The following UTP4 variants were observed in gnomAD, a reference collection of about 807,000 sequenced individuals.
UTP4 encodes UTP4 small subunit processome component.
UTP4 carries 45 observed loss-of-function variants against 82.4 expected under a neutral mutation model. That is an observed-to-expected ratio of 0.55 (90% CI 0.43 to 0.70). UTP4 has a LOEUF of 0.70. Ranked by LOEUF, UTP4 falls within the 30% of genes least tolerant of loss-of-function variation. The pLI is 0.00. For synonymous variants in UTP4, 348 were observed against 300.3 expected (o/e 1.16, Z -1.64); for missense variants, 819 against 858.3 (o/e 0.95, Z 0.57).
At chr16:69,133,104 C>G (rs759658274) in intron 1 of UTP4, 7 of 321,922 alleles carry the variant, frequency 2.2e-5, no homozygotes, top group Non-Finnish European at 4.2e-5. Flanking sequence ...GCCCCATCAG[C>G]CTCACTGTCA....
intron 14 of UTP4, among the ~76,000 whole-genome samples, chr16:69,164,586 TTATATATATATATA>T (rs58927210): frequency 1.8e-4 from 24 of 132,520 alleles, no homozygotes; most frequent in Admixed American, 1.4e-3. Context: ...TAATCATTCT[TTATATATATATATA>T]TATATATATA....
chr16:69,159,242 A>G (rs1963503248), intron 12 of UTP4, among the ~76,000 whole-genome samples: 1 of 147,490 alleles, frequency 6.8e-6, no homozygotes. Context: ...ACGCCCAGCT[A>G]TTTTTTTTTT....
At chr16:69,146,069 C>T (rs1963099600) in intron 6 of UTP4, among the ~76,000 whole-genome samples, 1 of 151,224 alleles carries the variant, frequency 6.6e-6, no homozygotes, top group Admixed American at 6.6e-5. Flanking sequence ...CCGTTGTGCT[C>T]CAGCCTGGGC....
chr16:69,142,678 A>G (rs1276468588), intron 5 of UTP4, among the ~76,000 whole-genome samples: 1 of 152,172 alleles, frequency 6.6e-6, no homozygotes, highest in East Asian at 1.9e-4. Context: ...CAGTGCCACT[A>G]CTTGTCTGCT....
At chr16:69,148,348 C>T (rs937318954) in intron 6 of UTP4, among the ~76,000 whole-genome samples, 5 of 151,722 alleles carry the variant, frequency 3.3e-5, no homozygotes, top group Admixed American at 2.6e-4. Flanking sequence ...CCGCCCGCCT[C>T]GGCTTCCCAA....
rs1314513169 is a variant in UTP4 at position 69,137,593 on chromosome 16, A to G, written c.352-208A>G. Among the ~76,000 whole-genome samples, 4 of 152,208 alleles carry G rather than the reference A, an allele frequency of 2.6e-5. No homozygotes were observed. In the East Asian group the frequency reaches 7.7e-4, roughly 29 times the overall value. On this transcript the variant is annotated intron_variant, in intron 3 of 16. Transcript: ENST00000314423. ...CTTAATATCAGTCTGTTTTCTGTCT[A>G]GGATATGAAGGCTACTGAGAATACA...
rs1016511587 is a variant in UTP4 at position 69,154,439 on chromosome 16, A to G, written c.1146A>G (p.Leu382=). Residue 382 remains leucine (L), a synonymous_variant, in exon 10 of 17, where the codon TTA becomes TTG. Coordinates refer to ENST00000314423, the MANE Select transcript of UTP4 (RefSeq NM_032830.3). ...TLPLSKNADH[L]LHLKTKGPEN... ...CACTCTCTAAAAATGCAGATCATTTACTGCACCTAAAGACAAAGGTAAGGA... is the reference window on the plus strand; with the variant it reads ...CACTCTCTAAAAATGCAGATCATTTGCTGCACCTAAAGACAAAGGTAAGGA... 1.9e-6 allele frequency: 3 copies of G among 1,612,486 alleles called. No individual in the cohort carries two copies. Among genetic ancestry groups the G allele is most frequent in the Non-Finnish European group, 1.7e-6 (2 of 1,178,648 alleles).
At chr16:69,147,270 G>A (rs989370202) in intron 6 of UTP4, among the ~76,000 whole-genome samples, 8 of 151,698 alleles carry the variant, frequency 5.3e-5, no homozygotes, top group Middle Eastern at 3.5e-3. Flanking sequence ...TTGGGAGGCC[G>A]ATGCGGGTGG....
rs1480678999 is a variant in UTP4 at position 69,137,877 on chromosome 16, G to T, written c.428G>T (p.Arg143Leu). ...ATCCAGTTTGAAAGAAATTTTGATC[G>T]GCAGAAAAGTAAGCGTCATTTTTCA... ...DKIQFERNFD[R>L]QKSRILSLSW... The change falls in exon 4 of 17, where the codon CGG (arginine) becomes CTG (leucine). Residue 143 changes from arginine to leucine, a missense_variant. By Grantham distance (102) the Arg-to-Leu change is moderately radical (BLOSUM62 -2). Transcript: ENST00000314423. 6.2e-7 allele frequency: 1 copy of T among 1,604,942 alleles called. No individual in the cohort carries two copies. Among genetic ancestry groups the T allele is most frequent in the East Asian group, 2.2e-5 (1 of 44,838 alleles).
intron 6 of UTP4, 151 bp from the exon 7 acceptor site, chr16:69,150,386 T>A (rs1452732538): frequency 3.4e-6 from 3 of 893,248 alleles, no homozygotes; most frequent in Non-Finnish European, 5.5e-6. Context: ...ATGGAATCCT[T>A]AGCTTCTGGA....
At chr16:69,153,728 C>T (rs761858247) in intron 9 of UTP4, 48 bp downstream of exon 9, 3 of 1,280,922 alleles carry the variant, frequency 2.3e-6, no homozygotes, top group Non-Finnish European at 3.4e-6. Context: ...GAGAGAGAAG[C>T]CAGAAATCAG....
chr16:69,149,850 G>A (rs556741456), intron 6 of UTP4, among the ~76,000 whole-genome samples: 7 of 151,842 alleles, frequency 4.6e-5, no homozygotes, highest in African/African-American at 7.3e-5. Context: ...TGCCTCAGCC[G>A]TCCAAATAGT....
chr16:69,155,190 T>C (rs548565783), intron 10 of UTP4, among the ~76,000 whole-genome samples: 102 of 152,350 alleles, frequency 6.7e-4, no homozygotes, highest in African/African-American at 2.4e-3. Flanking sequence ...GCTTACTTTT[T>C]TGAGGCAGGG....
intron 12 of UTP4, 124 bp from the exon 13 acceptor site, chr16:69,160,232 A>C: frequency 2.5e-6 from 2 of 804,046 alleles, no homozygotes; most frequent in East Asian, 2.4e-5. Context: ...CACAGTGATC[A>C]GCAAATTATC....
intron 6 of UTP4, 47 bp from the exon 7 acceptor site, chr16:69,150,490 G>A: frequency 6.2e-7 from 1 of 1,608,110 alleles, no homozygotes; most frequent in Non-Finnish European, 8.5e-7. Context: ...TTTCCAACCA[G>A]ACCTTGTTTT....
At position 69,147,339 on chromosome 16, in the gene UTP4, A is replaced by G. The variant is rs1183921246; in HGVS notation, c.739-3198A>G. ...GGCAACATGGTGAAACTCTGTCTCT[A>G]CTAAAATACAAAAAAATTAGCTGGG... On this transcript the variant is annotated intron_variant, in intron 6 of 16. Coordinates refer to ENST00000314423, the MANE Select transcript of UTP4 (RefSeq NM_032830.3). 5.3e-5 allele frequency among the ~76,000 whole-genome samples: 8 copies of G among 151,658 alleles called. No individual in the cohort carries two copies. The East Asian group carries it at 1.4e-3, about 26-fold the overall frequency.
intron 13 of UTP4, among the ~76,000 whole-genome samples, chr16:69,161,447 C>T (rs1005936876): frequency 3.3e-5 from 5 of 152,220 alleles, no homozygotes; most frequent in Non-Finnish European, 7.3e-5. Flanking sequence ...TTGAGCCTTG[C>T]CTGGCATTTA....
intron 4 of UTP4, chr16:69,139,604 A>G (rs1200084213): frequency 5.9e-6 from 1 of 169,858 alleles, no homozygotes; most frequent in Non-Finnish European, 1.2e-5. Context: ...CCACTGCGGC[A>G]CTCCAGCCTG....
intron 12 of UTP4, 128 bp downstream of exon 12, chr16:69,157,368 T>G: frequency 1.1e-6 from 1 of 938,072 alleles, no homozygotes; most frequent in Non-Finnish European, 1.7e-6. Flanking sequence ...ACTCACATGT[T>G]TGCTGTTTCA....
Sources: allele counts gnomAD v4.1 joint callset (sites outside exome capture counted in the v4.1 genomes callset), GRCh38; gene constraint gnomAD v4.1.1; transcripts MANE v1.5; gene names NCBI Gene and HGNC (gene_info 2026-07-23, HGNC 2026-07-21).